Variants in CHD5 observed in about 807,000 individuals in gnomAD.
The protein encoded by CHD5 is ATP-dependent chromatin remodeler CHD5.
In CHD5, 69 loss-of-function variants were observed where a neutral mutation model predicts 230.3. The ratio of observed to expected loss-of-function variants is 0.30; its 90% CI spans 0.25 to 0.37. CHD5 has a LOEUF of 0.37. Among genes scored for constraint, CHD5 ranks in the 10% least tolerant of loss-of-function variants. CHD5 has a pLI of 1.00. For synonymous variants in CHD5, 1,064 were observed against 1,065.9 expected, an observed-to-expected ratio of 1.00 and a Z score of 0.03; for missense variants, 1,827 against 2,622.8, an observed-to-expected ratio of 0.70 and a Z score of 6.63.
intron 15 of CHD5, among the ~76,000 whole-genome samples, chr1:6,138,509 G>A (rs912588102): frequency 2.0e-5 from 3 of 152,222 alleles, no homozygotes; most frequent in African/African-American, 7.2e-5. Context: ...ATGTAGGCCT[G>A]TCCTGTGCTG....
chr1:6,119,561 G>C (rs1666432426), intron 33 of CHD5, among the ~76,000 whole-genome samples: 1 of 152,154 alleles, frequency 6.6e-6, no homozygotes, highest in South Asian at 2.1e-4. Flanking sequence ...ATAAGAAAGA[G>C]ATTAATCCAT....
At position 6,124,559 on chromosome 1, in the gene CHD5, G is replaced by A. The variant is rs140962968; in HGVS notation, c.4497C>T (p.His1499=). 3.5e-4 allele frequency: 560 copies of A among 1,613,798 alleles called. 8 individuals carry two copies. In the East Asian group the frequency reaches 0.011, roughly 33 times the overall value. The change falls in exon 30 of 42, where the codon CAC becomes CAT. Residue 1499 remains histidine (H), a synonymous_variant. Coordinates refer to ENST00000262450, the MANE Select transcript of CHD5 (RefSeq NM_015557.3). ...ACATGACCCCGATGCGGGTCAGCAC[G>A]TGCTGCCTGGAGAGGCCCTCCCGGG... ...GVPREGLSRQ[H]VLTRIGVMSL... is the part of the protein sequence containing the mutation.
At chr1:6,174,628 T>C (rs1251768271) in intron 1 of CHD5, among the ~76,000 whole-genome samples, 3 of 147,014 alleles carry the variant, frequency 2.0e-5, no homozygotes, top group South Asian at 2.2e-4. Context: ...GGTGGATAGA[T>C]GGTGAATAGA....
Position 6,125,689 on chromosome 1 carries a change from C to A in CHD5, c.4171+77G>T, listed in dbSNP as rs1433767193. ...TCCCCAAGGACAGCGGGACCCCAGA[C>A]CAGCCCCGCTCCTGCTGCCATCAGC... On this transcript the variant is annotated intron_variant, in intron 27 of 41. Coordinates refer to ENST00000262450, the MANE Select transcript of CHD5 (RefSeq NM_015557.3). This position sits in a 1 kb window ranked among gnomAD's most constrained non-coding sequence, Gnocchi z 6.7. 7 of 1,590,348 alleles carry A rather than the reference C, an allele frequency of 4.4e-6. No individual in the cohort carries two copies. In the Admixed American group the frequency reaches 1.2e-4, roughly 27 times the overall value.
At chr1:6,149,170 G>A (rs1571160535) in intron 8 of CHD5, 76 bp downstream of exon 8, 4 of 1,472,970 alleles carry the variant, frequency 2.7e-6, no homozygotes, top group Non-Finnish European at 3.6e-6. Context: ...CCCGCATTCT[G>A]CCCCCAAATG....
intron 13 of CHD5, 138 bp downstream of exon 13, chr1:6,143,685 T>C (rs542294925): frequency 5.4e-5 from 40 of 744,108 alleles, no homozygotes; most frequent in Non-Finnish European, 8.1e-5. Context: ...CTAGCCTACA[T>C]GGGCATGACA....
rs1245735202 is a variant in CHD5, at chr1:6,155,919, C to T, written c.388-202G>A. Reference sequence around the variant, plus strand: ...GCCCCGCAGCCCCCAATCTGTGCCACGTCTCAGATGCCAGCCCACGAAGTG... The same window carrying T: ...GCCCCGCAGCCCCCAATCTGTGCCATGTCTCAGATGCCAGCCCACGAAGTG... On this transcript the variant is annotated intron_variant, in intron 3 of 41. Transcript: ENST00000262450. The surrounding 1 kb of genome is among the most constrained non-coding windows in gnomAD (Gnocchi z 4.0). Among the ~76,000 whole-genome samples the T allele has an allele frequency of 1.3e-5, 2 of 152,232 alleles. No individual in the cohort carries two copies. The highest frequency in any genetic ancestry group is 2.9e-5 in the Non-Finnish European group (2 of 68,042).
chr1:6,106,554 C>T, intron 39 of CHD5, 45 bp from the exon 40 acceptor site: 1 of 1,550,360 alleles, frequency 6.5e-7, no homozygotes, highest in Non-Finnish European at 8.7e-7. Flanking sequence ...AGGCCCCCCA[C>T]CCAGCCTCCA....
intron 33 of CHD5, among the ~76,000 whole-genome samples, chr1:6,116,954 C>A (rs555182336): frequency 6.6e-6 from 1 of 152,248 alleles, no homozygotes; most frequent in East Asian, 1.9e-4. Flanking sequence ...AAATACTGGG[C>A]AACAGCATCG....
At chr1:6,150,384 GGAT>G (rs1666984650) in intron 7 of CHD5, among the ~76,000 whole-genome samples, 2 of 147,312 alleles carry the variant, frequency 1.4e-5, no homozygotes, top group Admixed American at 6.7e-5. Flanking sequence ...ATGGATGGAT[GGAT>G]GGATGGATGG....
Position 6,128,052 on chromosome 1 carries a change from G to C in CHD5, c.3897C>G (p.Asp1299Glu). ...GGCGGGCCGGGGACCTTACCACGCC[G>C]TCCTCCTCGCGCACCACGTACTGCG... The part of the protein sequence containing the change: ...KVAQYVVREE[D>E]GVEEVEREII... The change falls in exon 25 of 42, where the codon GAC (aspartate) becomes GAG (glutamate). Residue 1299 changes from aspartate (D) to glutamate (E), a missense_variant. Physicochemically the swap from Asp to Glu is conservative, Grantham distance 45. Transcript: ENST00000262450. The surrounding 1 kb of genome is among the most constrained non-coding windows in gnomAD (Gnocchi z 7.8). The C allele has an allele frequency of 6.2e-7, 1 of 1,606,152 alleles. No individual in the cohort carries two copies. Among genetic ancestry groups the C allele is most frequent in the Non-Finnish European group, 8.5e-7 (1 of 1,176,694 alleles).
In CHD5 at chr1:6,127,940, G is replaced by A. The variant is rs1039593110; in HGVS notation, c.3903+106C>T. ...GGCGGGGTCACAGCTTGGAGGGCTG[G>A]CTGCGGCGGGAGGGCGGGGTCACAG... is the stretch of plus-strand genomic sequence containing the variant. On this transcript the variant is annotated intron_variant, in intron 25 of 41. Coordinates refer to ENST00000262450, the MANE Select transcript of CHD5 (RefSeq NM_015557.3). 22 of 1,018,358 alleles carry A rather than the reference G, an allele frequency of 2.2e-5. No homozygotes were observed. The African/African-American group carries it at 3.6e-4, about 16-fold the overall frequency. 63.1% of individuals were successfully genotyped at this position (1,018,358 alleles called of 1,614,324 possible). A position where few individuals can be genotyped will look rare whatever the true frequency, so the allele number is the denominator to read the frequency against.
rs562378373 is a variant in CHD5, at chr1:6,126,086, G to A, written c.4079-228C>T. 1.3e-5 allele frequency among the ~76,000 whole-genome samples: 2 copies of A among 152,122 alleles called. 1 individual carries two copies. Among genetic ancestry groups the A allele is most frequent in the South Asian group, 4.1e-4 (2 of 4,826 alleles). On this transcript the variant is annotated intron_variant, in intron 26 of 41. Coordinates refer to ENST00000262450, the MANE Select transcript of CHD5 (RefSeq NM_015557.3). The surrounding 1 kb of genome is among the most constrained non-coding windows in gnomAD (Gnocchi z 5.7). ...CACATTACACATACTGTGTGCAAGG[G>A]ACGTGCCCAAGGCCACGTCACGAGC...
At position 6,163,754 on chromosome 1, in the gene CHD5, A is replaced by G. The variant is rs376585840; in HGVS notation, c.208-4239T>C. Among the ~76,000 whole-genome samples the G allele has an allele frequency of 3.3e-5, 5 of 152,328 alleles. No individual in the cohort carries two copies. The East Asian group carries it at 5.8e-4, about 18-fold the overall frequency. ...GGGGAGGAGACAGAGACGCAGACCAATAAGTCCCTAACTAAGCCCCCGAAC... is the reference window on the plus strand; with the variant it reads ...GGGGAGGAGACAGAGACGCAGACCAGTAAGTCCCTAACTAAGCCCCCGAAC... On this transcript the variant is annotated intron_variant, in intron 2 of 41. Coordinates refer to ENST00000262450, the MANE Select transcript of CHD5 (RefSeq NM_015557.3).
chr1:6,110,903 C>T (rs1666277158), intron 36 of CHD5, among the ~76,000 whole-genome samples: 1 of 152,092 alleles, frequency 6.6e-6, no homozygotes, highest in Non-Finnish European at 1.5e-5. Context: ...TAGGGTGGGC[C>T]CTAAACTCAA....
At position 6,128,160 on chromosome 1, in the gene CHD5, G is replaced by C. The variant is rs748050796; in HGVS notation, c.3789C>G (p.Ser1263=). The C allele has an allele frequency of 6.2e-7, 1 of 1,614,150 alleles. No individual in the cohort carries two copies. ...CGTCCTGGTTCCGGTCCAGCAGCTTGGAGATGGCCGCATCGTCATAGTGGA... is the reference window on the plus strand; with the variant it reads ...CGTCCTGGTTCCGGTCCAGCAGCTTCGAGATGGCCGCATCGTCATAGTGGA... ...SVIHYDDAAI[S]KLLDRNQDAT... The change falls in exon 25 of 42, where the codon TCC becomes TCG. Residue 1263 remains serine, a synonymous_variant. Coordinates refer to ENST00000262450, the MANE Select transcript of CHD5 (RefSeq NM_015557.3). This position sits in a 1 kb window ranked among gnomAD's most constrained non-coding sequence, Gnocchi z 7.8.
At chr1:6,107,024 AATGGAGGGAAG>A (rs1333183155) in intron 38 of CHD5, among the ~76,000 whole-genome samples, 5 of 54,532 alleles carry the variant, frequency 9.2e-5, no homozygotes, top group Non-Finnish European at 1.8e-4. Context: ...ATGGAGGGAT[AATGGAGGGAAG>A]ATGGAGGGAT....
chr1:6,106,509 C>T lies in CHD5; in HGVS notation c.5743G>A (p.Gly1915Ser), dbSNP rs1430570449. ...TACATCTGGGAGGAGCCGAAAGCGC[C>T]CTGGAGGCAAGGACTCAGCTTCACA... ...NRAGDPTIQQGAFGSSQMYSN... is the reference protein window; with the variant it reads ...NRAGDPTIQQSAFGSSQMYSN... Residue 1915 changes from glycine (G) to serine (S), a missense_variant and splice_region_variant, in exon 40 of 42, where the codon GGC (glycine) becomes AGC (serine). Coordinates refer to ENST00000262450, the MANE Select transcript of CHD5 (RefSeq NM_015557.3). 1.3e-6 allele frequency: 2 copies of T among 1,551,596 alleles called. No individual in the cohort carries two copies. Among genetic ancestry groups the T allele is most frequent in the Non-Finnish European group, 1.7e-6 (2 of 1,147,584 alleles).
Position 6,143,354 on chromosome 1 carries a change from C to G in CHD5, c.2043+469G>C, listed in dbSNP as rs574261021. ...GGCCCATTTGTCTCTTGATCCTGCTCCAGGTCACTGGCCCCATGCAGTCCT... is the reference window on the plus strand; with the variant it reads ...GGCCCATTTGTCTCTTGATCCTGCTGCAGGTCACTGGCCCCATGCAGTCCT... On this transcript the variant is annotated intron_variant, in intron 13 of 41. Transcript: ENST00000262450. Among the ~76,000 whole-genome samples, 8 of 152,318 alleles carry G rather than the reference C, an allele frequency of 5.3e-5. No homozygotes were observed. In the South Asian group the frequency reaches 1.7e-3, roughly 32 times the overall value.
Sources: allele counts gnomAD v4.1 joint callset (sites outside exome capture counted in the v4.1 genomes callset), GRCh38; gene constraint gnomAD v4.1.1; non-coding constraint Gnocchi (gnomAD v3.1); transcripts MANE v1.5; gene names NCBI Gene and HGNC (gene_info 2026-07-23, HGNC 2026-07-21).